The following KIF5C variants were observed in gnomAD, a reference collection of about 807,000 sequenced individuals.
KIF5C encodes kinesin heavy chain isoform 5C.
A neutral mutation model predicts 125.2 loss-of-function variants in KIF5C; 18 were observed. The observed-to-expected ratio is 0.14, with a 90% CI of 0.10 to 0.21. The LOEUF is 0.21. Ranked by LOEUF, KIF5C falls within the 10% of genes least tolerant of loss-of-function variation. The pLI is 1.00. For missense variants in KIF5C, 780 were observed against 1,183.8 expected (o/e 0.66, Z 5.01); for synonymous variants, 405 against 434.0 (o/e 0.93, Z 0.83).
At position 148,979,007 on chromosome 2, in the gene KIF5C, A is replaced by AT. The variant is rs768780650; in HGVS notation, c.1362+26dup. On this transcript the variant is annotated intron_variant, in intron 13 of 25. Transcript: ENST00000435030. Reference sequence around the variant, plus strand: ...CAGGATGAGGTAAAGAATGCAATATATTTTTTTTTCCACAAAGTTCTTCTA... The same window carrying AT: ...CAGGATGAGGTAAAGAATGCAATATATTTTTTTTTTCCACAAAGTTCTTCTA... 539 of 1,523,658 alleles carry AT rather than the reference A, an allele frequency of 3.5e-4. No homozygotes were observed. Among genetic ancestry groups the AT allele is most frequent in the South Asian group, 1.1e-3 (81 of 76,658 alleles). The allele number at this position is 1,523,658 out of a possible 1,614,324, so 94.4% of individuals were successfully genotyped here. A position where few individuals can be genotyped will look rare whatever the true frequency, so the allele number is the denominator to read the frequency against.
chr2:148,935,039 C>T (rs956248596), intron 3 of KIF5C: 2 of 418,696 alleles, frequency 4.8e-6, no homozygotes, highest in African/African-American at 4.2e-5. Flanking sequence ...CAGCCCAGCT[C>T]CTAGGCCTGT....
chr2:148,956,155 G>C (rs188384543), intron 10 of KIF5C, among the ~76,000 whole-genome samples: 1 of 152,178 alleles, frequency 6.6e-6, no homozygotes, highest in East Asian at 1.9e-4. Flanking sequence ...GCCAACTTAC[G>C]AGGGTGCCTT....
At chr2:148,998,831 C>CAAAAAAAAAAAAAAAAAAAGAAAAA (rs58960407) in intron 19 of KIF5C, 1 of 62,372 alleles carries the variant, frequency 1.6e-5, no homozygotes, top group Admixed American at 1.6e-4. Flanking sequence ...ATGAAAGCAC[C>CAAAAAAAAAAAAAAAAAAAGAAAAA]AAAAAAAAAA....
intron 2 of KIF5C, among the ~76,000 whole-genome samples, chr2:148,928,157 G>C (rs1304246951): frequency 6.6e-6 from 1 of 151,950 alleles, no homozygotes. Context: ...ACCTATCAAA[G>C]CAAAACAAAA....
chr2:149,020,665 G>A (rs778144071), intron 25 of KIF5C, among the ~76,000 whole-genome samples: 5 of 152,128 alleles, frequency 3.3e-5, no homozygotes, highest in African/African-American at 9.7e-5. Flanking sequence ...CTCCAGGCAC[G>A]CAGAACGGCC....
chr2:149,019,225 A>AT (rs1682457893), intron 25 of KIF5C, among the ~76,000 whole-genome samples: 1 of 152,176 alleles, frequency 6.6e-6, no homozygotes, highest in Admixed American at 6.5e-5. Context: ...AAACTGTGGA[A>AT]TGGGGAAGTT....
chr2:149,024,081 A>G lies in KIF5C; in HGVS notation c.*1011A>G, dbSNP rs1682612191. ...TGTGTATGAGTAAGTTGCCATGAAT[A>G]AGTTATTATTTTAACCCATAATTGG... On this transcript the variant is annotated 3_prime_UTR_variant, in exon 26 of 26. Coordinates refer to ENST00000435030, the MANE Select transcript of KIF5C (RefSeq NM_004522.3). 2 of 152,504 alleles carry G rather than the reference A, an allele frequency of 1.3e-5. No homozygotes were observed. The highest frequency in any genetic ancestry group is 4.1e-4 in the South Asian group (2 of 4,826). 9.4% of individuals were successfully genotyped at this position (152,504 alleles called of 1,614,324 possible). A position where few individuals can be genotyped will look rare whatever the true frequency, so the allele number is the denominator to read the frequency against.
At chr2:149,011,526 T>C in intron 24 of KIF5C, 44 bp from the exon 25 acceptor site, 1 of 1,609,928 alleles carries the variant, frequency 6.2e-7, no homozygotes, top group Non-Finnish European at 8.5e-7. Context: ...TGTTAAGACT[T>C]TTCTAAATGT....
intron 21 of KIF5C, among the ~76,000 whole-genome samples, chr2:149,002,112 A>G (rs1027464617): frequency 7.2e-5 from 11 of 152,262 alleles, no homozygotes; most frequent in African/African-American, 2.7e-4. Flanking sequence ...CTTCATCTAC[A>G]TCTGTTTTAC....
At chr2:148,917,745 G>C (rs780014262) in intron 1 of KIF5C, among the ~76,000 whole-genome samples, 1 of 152,220 alleles carries the variant, frequency 6.6e-6, no homozygotes, top group Non-Finnish European at 1.5e-5. Flanking sequence ...ATTCCACAGA[G>C]TGAGTTTAAA....
intron 10 of KIF5C, among the ~76,000 whole-genome samples, chr2:148,959,498 C>T (rs1490059513): frequency 6.6e-6 from 1 of 152,132 alleles, no homozygotes; most frequent in Non-Finnish European, 1.5e-5. Context: ...ACATCTTTCT[C>T]TCTCAGTGTA....
In KIF5C at chr2:148,875,575, G is replaced by GGCCCCCCCCCCAACCCCCCCCCCCC; in HGVS notation, c.-43_-42insGCCCCCCCCCCAACCCCCCCCCCCC. On this transcript the variant is annotated 5_prime_UTR_variant, in exon 1 of 26. Transcript: ENST00000435030. ...TCCTCCCTCGTCGTTCCCGGCCCCG[G>GGCCCCCCCCCCAACCCCCCCCCCCC]CCCCCCACCCATCCCCGTGCCCCCT... 1.4e-6 allele frequency: 1 copy of GGCCCCCCCCCCAACCCCCCCCCCCC among 699,606 alleles called. No homozygotes were observed. Among genetic ancestry groups the GGCCCCCCCCCCAACCCCCCCCCCCC allele is most frequent in the Non-Finnish European group, 2.6e-6 (1 of 389,230 alleles). The allele number at this position is 699,606 out of a possible 1,614,324, so 43.3% of individuals were successfully genotyped here.
chr2:148,904,186 C>T (rs1681011494), intron 1 of KIF5C, among the ~76,000 whole-genome samples: 1 of 152,190 alleles, frequency 6.6e-6, no homozygotes, highest in South Asian at 2.1e-4. Context: ...GTTGTGTCAA[C>T]CCCATTGTCT....
chr2:148,982,134 C>A (rs981435909), intron 14 of KIF5C, among the ~76,000 whole-genome samples: 1 of 152,218 alleles, frequency 6.6e-6, no homozygotes, highest in Admixed American at 6.5e-5. Flanking sequence ...TCCATTCCCT[C>A]CCGTCAGCTT....
At chr2:148,979,108 A>T in intron 13 of KIF5C, 118 bp downstream of exon 13, 1 of 1,295,928 alleles carries the variant, frequency 7.7e-7, no homozygotes, top group Non-Finnish European at 9.9e-7. Context: ...AATCATGTGG[A>T]AATTTCTTGG....
chr2:148,935,529 A>C (rs1682273362), intron 3 of KIF5C, among the ~76,000 whole-genome samples: 1 of 152,180 alleles, frequency 6.6e-6, no homozygotes, highest in Non-Finnish European at 1.5e-5. Flanking sequence ...GAGCATGTGG[A>C]GGTCCATTGT....
chr2:148,994,276 G>A lies in KIF5C; in HGVS notation c.1906-145G>A, dbSNP rs78325731. The stretch of plus-strand genomic sequence containing the variant: ...GGTATGATTCTGAACACCAAGGCAA[G>A]GGTAAAATGGGCACCATTTGGTTGT... On this transcript the variant is annotated intron_variant, in intron 16 of 25. Coordinates refer to ENST00000435030, the MANE Select transcript of KIF5C (RefSeq NM_004522.3). 6.7e-3 allele frequency: 7,519 copies of A among 1,128,462 alleles called. 90 individuals carry two copies. In the Middle Eastern group the frequency reaches 0.069, roughly 10 times the overall value. The allele number at this position is 1,128,462 out of a possible 1,614,324, so 69.9% of individuals were successfully genotyped here.
chr2:148,974,688 T>A (rs533357284), intron 12 of KIF5C, among the ~76,000 whole-genome samples: 4 of 152,346 alleles, frequency 2.6e-5, no homozygotes, highest in Non-Finnish European at 5.9e-5. Context: ...GTTAACAGTA[T>A]ATGCAATTTC....
chr2:148,892,376 A>T (rs1305279571), intron 1 of KIF5C, among the ~76,000 whole-genome samples: 1 of 152,242 alleles, frequency 6.6e-6, no homozygotes, highest in Non-Finnish European at 1.5e-5. Context: ...CCTGCAGTAA[A>T]TGGAATAAGC....
Sources: allele counts gnomAD v4.1 joint callset (sites outside exome capture counted in the v4.1 genomes callset), GRCh38; gene constraint gnomAD v4.1.1; transcripts MANE v1.5; gene names NCBI Gene and HGNC (gene_info 2026-07-23, HGNC 2026-07-21).